Variants in SCAI observed in about 807,000 individuals in gnomAD.
SCAI encodes protein SCAI.
SCAI carries 24 observed loss-of-function variants against 92.2 expected under a neutral mutation model. The observed-to-expected ratio is 0.26, with a 90% CI of 0.19 to 0.37. SCAI has a LOEUF of 0.37. Among genes scored for constraint, SCAI ranks in the 10% least tolerant of loss-of-function variants. The pLI is 1.00. For missense variants in SCAI, 450 were observed against 736.2 expected, an observed-to-expected ratio of 0.61 and a Z score of 4.50; for synonymous variants, 261 against 258.6, an observed-to-expected ratio of 1.01 and a Z score of -0.09.
chr9:125,135,357 A>G (rs1357782770), intron 2 of SCAI, among the ~76,000 whole-genome samples: 1 of 152,254 alleles, frequency 6.6e-6, no homozygotes, highest in African/African-American at 2.4e-5. Flanking sequence ...CTAAAATAAA[A>G]ATCATAATTT....
chr9:124,975,923 C>T (rs1421013813), intron 15 of SCAI, among the ~76,000 whole-genome samples, 191 bp downstream of exon 15: 2 of 152,212 alleles, frequency 1.3e-5, no homozygotes, highest in East Asian at 1.9e-4. Context: ...CAAGGCCTAA[C>T]GGTAGCACAT....
intron 2 of SCAI, among the ~76,000 whole-genome samples, chr9:125,093,583 T>TGAGACAGG (rs1286333190): frequency 6.6e-6 from 1 of 150,920 alleles, no homozygotes; most frequent in African/African-American, 2.4e-5. Flanking sequence ...TTTTTTTTTT[T>TGAGACAGG]GAGACAGGGT....
chr9:125,120,906 G>A (rs959380349), intron 2 of SCAI, among the ~76,000 whole-genome samples: 1 of 151,552 alleles, frequency 6.6e-6, no homozygotes, highest in Non-Finnish European at 1.5e-5. Context: ...AAAAATAGGA[G>A]AGAGGACATT....
At chr9:124,987,080 T>C (rs759391598) in intron 14 of SCAI, among the ~76,000 whole-genome samples, 2 of 152,220 alleles carry the variant, frequency 1.3e-5, no homozygotes, top group African/African-American at 2.4e-5. Flanking sequence ...TCGCCCAGGC[T>C]GGAGTGCAGT....
chr9:125,002,534 G>A (rs549607170), intron 11 of SCAI, among the ~76,000 whole-genome samples: 1 of 123,468 alleles, frequency 8.1e-6, no homozygotes, highest in African/African-American at 3.2e-5. Context: ...CCAGGTTGGA[G>A]TGCAATGGCG....
At chr9:125,142,824 G>GGGGAAATAGGGGAAA in intron 1 of SCAI, 147 bp from the exon 2 acceptor site, 2 of 675,190 alleles carry the variant, frequency 3.0e-6, no homozygotes, top group Non-Finnish European at 5.3e-6. Flanking sequence ...AACGCCTCAT[G>GGGGAAATAGGGGAAA]CCCTGTTTCC....
At chr9:125,039,125 C>T (rs1226013667) in intron 3 of SCAI, among the ~76,000 whole-genome samples, 1 of 152,074 alleles carries the variant, frequency 6.6e-6, no homozygotes, top group Non-Finnish European at 1.5e-5. Flanking sequence ...CAGTGGCTCA[C>T]GCCTGTAATC....
chr9:124,991,260 G>A (rs1183785933), intron 14 of SCAI, among the ~76,000 whole-genome samples: 2 of 145,272 alleles, frequency 1.4e-5, no homozygotes, highest in Non-Finnish European at 3.0e-5. Flanking sequence ...GCTGAGGCAG[G>A]AGAATTGCTT....
At chr9:125,114,963 G>A (rs534846193) in intron 2 of SCAI, among the ~76,000 whole-genome samples, 8 of 152,010 alleles carry the variant, frequency 5.3e-5, no homozygotes, top group African/African-American at 1.7e-4. Flanking sequence ...AGTAGAGACC[G>A]GGTTTTGCCA....
Position 125,131,299 on chromosome 9 carries a change from T to A in SCAI, c.98+11334A>T, listed in dbSNP as rs542279843. On this transcript the variant is annotated intron_variant, in intron 2 of 17. Transcript: ENST00000336505. ...GGGAGATACCAGTAATCCCAGCTAC[T>A]TGGGAGGCTGAGGAGGGAGAATCGC... is the stretch of plus-strand genomic sequence containing the variant. 2.0e-5 allele frequency among the ~76,000 whole-genome samples: 3 copies of A among 151,226 alleles called. No homozygotes were observed. In the East Asian group the frequency reaches 5.9e-4, roughly 30 times the overall value.
At chr9:125,011,995 A>G (rs2131058450) in intron 9 of SCAI, among the ~76,000 whole-genome samples, 1 of 152,368 alleles carries the variant, frequency 6.6e-6, no homozygotes, top group African/African-American at 2.4e-5. Flanking sequence ...AGATTTTGTC[A>G]TCACCAGGCC....
chr9:125,056,048 T>G (rs767534674), intron 2 of SCAI, 41 bp from the exon 3 acceptor site: 1 of 1,504,692 alleles, frequency 6.6e-7, no homozygotes, highest in East Asian at 2.3e-5. Flanking sequence ...GAGGTAAAAA[T>G]AAAAATAGAA....
At chr9:125,037,262 CTT>C (rs1011575362) in intron 3 of SCAI, among the ~76,000 whole-genome samples, 176 of 143,668 alleles carry the variant, frequency 1.2e-3, no homozygotes, top group African/African-American at 4.5e-3. Context: ...AAGAGCAAAA[CTT>C]TGTCGATTAA....
At chr9:125,018,623 T>C (rs1019012606) in intron 9 of SCAI, among the ~76,000 whole-genome samples, 176 bp downstream of exon 9, 1 of 152,194 alleles carries the variant, frequency 6.6e-6, no homozygotes, top group Non-Finnish European at 1.5e-5. Context: ...TATTAAAAAT[T>C]CTTTCTAAGC....
chr9:125,005,442 T>C (rs1297260426), intron 9 of SCAI, among the ~76,000 whole-genome samples: 3 of 152,030 alleles, frequency 2.0e-5, no homozygotes, highest in African/African-American at 7.2e-5. Flanking sequence ...AGTGATTCTC[T>C]TGCCTCAGCA....
chr9:125,121,311 G>A (rs192514042), intron 2 of SCAI, among the ~76,000 whole-genome samples: 17 of 149,070 alleles, frequency 1.1e-4, no homozygotes, highest in Non-Finnish European at 2.2e-4. Context: ...GAAAAAAGAT[G>A]AATCAAACCT....
intron 2 of SCAI, among the ~76,000 whole-genome samples, chr9:125,093,456 T>TG (rs1394423261): frequency 1.3e-5 from 2 of 152,308 alleles, no homozygotes; most frequent in South Asian, 2.1e-4. Flanking sequence ...GTGGAAATGT[T>TG]GGAGTGTTCC....
chr9:125,062,193 A>G (rs1045036248), intron 2 of SCAI, among the ~76,000 whole-genome samples: 3 of 151,018 alleles, frequency 2.0e-5, no homozygotes, highest in African/African-American at 7.3e-5. Flanking sequence ...TGGCGTGATC[A>G]TGGCTCACTG....
chr9:125,070,235 A>G (rs1823665442), intron 2 of SCAI, among the ~76,000 whole-genome samples: 1 of 152,186 alleles, frequency 6.6e-6, no homozygotes, highest in Non-Finnish European at 1.5e-5. Context: ...CATATTCAGT[A>G]TAAACAGAAT....
Sources: gnomAD v4.1 joint callset for allele counts (sites outside exome capture counted in the v4.1 genomes callset) on GRCh38, gnomAD v4.1.1 for gene constraint, MANE v1.5 for transcripts, NCBI Gene and HGNC (gene_info 2026-07-23, HGNC 2026-07-21) for gene names.